Variants in PLCH1 observed in about 807,000 individuals in gnomAD.
PLCH1 encodes the protein 1-phosphatidylinositol 4,5-bisphosphate phosphodiesterase eta-1.
A neutral mutation model predicts 126.7 loss-of-function variants in PLCH1; 60 were observed. The ratio of observed to expected loss-of-function variants is 0.47; its 90% CI spans 0.38 to 0.59. The LOEUF is 0.59. PLCH1 is among the 20% of genes least tolerant of loss of function. The pLI is 0.00. For missense variants in PLCH1, 1,723 were observed against 2,040.0 expected (o/e 0.84, Z 2.99); for synonymous variants, 719 against 734.9 (o/e 0.98, Z 0.35).
rs376744158 is a variant in PLCH1 at position 155,600,586 on chromosome 3, G to A, written c.80-4208C>T. On this transcript the variant is annotated intron_variant, in intron 2 of 22. Coordinates refer to ENST00000460012, the MANE Select transcript of PLCH1 (RefSeq NM_014996.4). ...CTTTAATTCTACATTCTCCTTTATGGTACGCTTAAGATAGCTAAAAAAAAA... is the reference window on the plus strand; with the variant it reads ...CTTTAATTCTACATTCTCCTTTATGATACGCTTAAGATAGCTAAAAAAAAA... 5.3e-4 allele frequency among the ~76,000 whole-genome samples: 77 copies of A among 146,354 alleles called. No individual in the cohort carries two copies. The South Asian group carries it at 0.015, about 28-fold the overall frequency.
intron 21 of PLCH1, among the ~76,000 whole-genome samples, chr3:155,456,311 T>C (rs1712439155): frequency 7.0e-6 from 1 of 143,242 alleles, no homozygotes; most frequent in African/African-American, 2.6e-5. Flanking sequence ...TAAAATACAC[T>C]AACACTAATG....
chr3:155,578,461 T>C (rs1730253280), intron 6 of PLCH1, among the ~76,000 whole-genome samples: 1 of 152,224 alleles, frequency 6.6e-6, no homozygotes, highest in African/African-American at 2.4e-5. Flanking sequence ...GAAAGTTATC[T>C]AATCACATGG....
intron 2 of PLCH1, among the ~76,000 whole-genome samples, chr3:155,625,694 A>G (rs1737151111): frequency 6.6e-6 from 1 of 152,266 alleles, no homozygotes; most frequent in Non-Finnish European, 1.5e-5. Context: ...CATGCCAGTT[A>G]GAATGGCGAT....
At chr3:155,661,211 G>A (rs745594936) in intron 2 of PLCH1, among the ~76,000 whole-genome samples, 8 of 152,120 alleles carry the variant, frequency 5.3e-5, no homozygotes, top group Non-Finnish European at 1.0e-4. Context: ...TTTTGGCTAA[G>A]GCAATGAAAG....
chr3:155,469,498 G>A (rs1163815357), intron 21 of PLCH1, among the ~76,000 whole-genome samples: 3 of 151,998 alleles, frequency 2.0e-5, no homozygotes, highest in Non-Finnish European at 4.4e-5. Context: ...GAGGCTGGGG[G>A]AGGGGCGCCC....
chr3:155,640,676 C>A (rs1321404783), intron 2 of PLCH1, among the ~76,000 whole-genome samples: 1 of 152,188 alleles, frequency 6.6e-6, no homozygotes, highest in Non-Finnish European at 1.5e-5. Flanking sequence ...ACATCTCTAA[C>A]CATTACATGA....
intron 7 of PLCH1, among the ~76,000 whole-genome samples, chr3:155,565,757 ACGAT>A (rs919392626): frequency 6.7e-6 from 1 of 149,164 alleles, no homozygotes; most frequent in African/African-American, 2.5e-5. Context: ...GTGCAATGGC[ACGAT>A]CTTGGCTCAC....
chr3:155,516,106 C>T (rs1720272426), intron 11 of PLCH1, among the ~76,000 whole-genome samples: 2 of 152,218 alleles, frequency 1.3e-5, no homozygotes, highest in Non-Finnish European at 2.9e-5. Flanking sequence ...CACTCCACTT[C>T]CCTGGAGACC....
intron 2 of PLCH1, among the ~76,000 whole-genome samples, chr3:155,634,010 T>A (rs1160203431): frequency 6.6e-6 from 1 of 152,188 alleles, no homozygotes; most frequent in African/African-American, 2.4e-5. Context: ...CCACGTCTCC[T>A]CTAAATTCCT....
chr3:155,664,267 T>A (rs1381833352), intron 2 of PLCH1, among the ~76,000 whole-genome samples: 1 of 152,188 alleles, frequency 6.6e-6, no homozygotes, highest in African/African-American at 2.4e-5. Flanking sequence ...TGGAAAAGCA[T>A]CTTTCCTACT....
chr3:155,551,197 C>A (rs1313902671), intron 9 of PLCH1, among the ~76,000 whole-genome samples: 2 of 152,064 alleles, frequency 1.3e-5, no homozygotes, highest in African/African-American at 4.8e-5. Flanking sequence ...GTAATCCCAG[C>A]ACTTTGGGAG....
intron 2 of PLCH1, among the ~76,000 whole-genome samples, chr3:155,655,984 CA>C (rs1741308401): frequency 1.3e-5 from 2 of 151,960 alleles, no homozygotes; most frequent in Admixed American, 1.3e-4. Context: ...TAAGAAACTT[CA>C]AAAGAGAAAG....
Position 155,565,071 on chromosome 3 carries a change from A to G in PLCH1, c.913T>C (p.Leu305=), listed in dbSNP as rs141892941. The G allele has an allele frequency of 6.2e-4, 997 of 1,613,844 alleles. No individual in the cohort carries two copies. Among genetic ancestry groups the G allele is most frequent in the Non-Finnish European group, 8.1e-4 (954 of 1,179,848 alleles). Residue 305 remains leucine (L), a synonymous_variant, in exon 8 of 23, where the codon TTG becomes CTG. Transcript: ENST00000460012. ...RSPACDIFNP[L]HHEVYQDMDQ... ...ATGTCTTGGTACACTTCATGGTGCA[A>G]TGGGTTAAATATGTCACAGGCAGGA...
At chr3:155,531,581 C>T (rs535843422) in intron 10 of PLCH1, among the ~76,000 whole-genome samples, 10 of 152,308 alleles carry the variant, frequency 6.6e-5, no homozygotes, top group Admixed American at 3.9e-4. Flanking sequence ...CCCAAGATGG[C>T]GCCACTGCAC....
intron 10 of PLCH1, among the ~76,000 whole-genome samples, chr3:155,546,246 A>G (rs1437676217): frequency 1.3e-5 from 2 of 152,220 alleles, no homozygotes; most frequent in African/African-American, 4.8e-5. Context: ...CACCAATAAC[A>G]GACAAACAGA....
At chr3:155,596,871 A>T (rs1437592215) in intron 2 of PLCH1, among the ~76,000 whole-genome samples, 1 of 152,250 alleles carries the variant, frequency 6.6e-6, no homozygotes, top group Non-Finnish European at 1.5e-5. Context: ...GTGATGTTTG[A>T]AAATAGCTAA....
At position 155,485,425 on chromosome 3, in the gene PLCH1, G is replaced by C. The variant is rs1714900943; in HGVS notation, c.2905C>G (p.Leu969Val). The C allele has an allele frequency of 3.1e-6, 5 of 1,611,808 alleles. No individual in the cohort carries two copies. In the East Asian group the frequency reaches 1.1e-4, roughly 36 times the overall value. The change falls in exon 22 of 23, where the codon CTT becomes GTT. Residue 969 changes from leucine to valine, a missense_variant. Around this residue, in one of 2 missense-constraint regions of PLCH1, gnomAD observed 947 missense variants for 977.1 expected, o/e 0.97. Transcript: ENST00000460012. ...ACAGGCAGCGACAAAGCTCCCAGAA[G>C]GTTTCTGTCAACAGGCATAGAGACA... ...RPVSMPVDRN[L>V]LGALSLPVSE...
intron 2 of PLCH1, among the ~76,000 whole-genome samples, chr3:155,703,481 C>T (rs1746424589): frequency 6.6e-6 from 1 of 152,142 alleles, no homozygotes; most frequent in African/African-American, 2.4e-5. Flanking sequence ...TGACTGTATA[C>T]CACAAAACAA....
intron 21 of PLCH1, among the ~76,000 whole-genome samples, chr3:155,474,469 A>T (rs1482251036): frequency 7.2e-6 from 1 of 138,954 alleles, no homozygotes; most frequent in African/African-American, 2.7e-5. Flanking sequence ...ACACTTTTAC[A>T]CTGTTGGTGG....
Sources: allele counts gnomAD v4.1 joint callset (sites outside exome capture counted in the v4.1 genomes callset), GRCh38; gene constraint gnomAD v4.1.1; regional missense constraint gnomAD v4.1.1; transcripts MANE v1.5; gene names NCBI Gene and HGNC (gene_info 2026-07-23, HGNC 2026-07-21).